Variants in STYXL2 observed in about 807,000 individuals in gnomAD.
The protein encoded by STYXL2 is serine/threonine/tyrosine interacting like 2.
STYXL2 carries 44 observed loss-of-function variants against 52.4 expected under a neutral mutation model. The observed-to-expected ratio is 0.84, with a 90% CI of 0.66 to 1.08. The LOEUF (loss-of-function observed/expected upper bound fraction) is 1.08. STYXL2 is among the 50% of genes least tolerant of loss of function. STYXL2 has a pLI of 0.00. For missense variants in STYXL2, 1,604 were observed against 1,471.7 expected (o/e 1.09, Z -1.47); for synonymous variants, 604 against 586.9 (o/e 1.03, Z -0.42).
intron 2 of STYXL2, 129 bp from the exon 3 acceptor site, chr1:167,113,581 G>A (rs995200473): frequency 2.8e-6 from 2 of 724,712 alleles, no homozygotes; most frequent in Admixed American, 4.0e-5. Flanking sequence ...TTAAACTTAG[G>A]AAGGCTTTGC....
chr1:167,122,063 T>A (rs1277544694), intron 5 of STYXL2, among the ~76,000 whole-genome samples: 1 of 152,114 alleles, frequency 6.6e-6, no homozygotes. Context: ...ACAAAGAGCC[T>A]ATGAGGGGGT....
intron 5 of STYXL2, among the ~76,000 whole-genome samples, chr1:167,119,997 C>T (rs1045140458): frequency 3.9e-5 from 6 of 152,158 alleles, no homozygotes. Context: ...AGGCCAGTGT[C>T]GATGAGCATG....
At chr1:167,099,880 G>A (rs1042460965) in intron 2 of STYXL2, among the ~76,000 whole-genome samples, 1 of 152,222 alleles carries the variant, frequency 6.6e-6, no homozygotes, top group Non-Finnish European at 1.5e-5. Context: ...ATGATGAACT[G>A]TCCAATTAGC....
Position 167,105,593 on chromosome 1 carries a change from G to A in STYXL2, c.111-8117G>A, listed in dbSNP as rs778511672. On this transcript the variant is annotated intron_variant, in intron 2 of 5. Transcript: ENST00000361200. ...CTTGCAAATATAAACAGGGCCAGTTGTTCAGGTCTCTCCCTCCTTCCTCTT... is the reference window on the plus strand; with the variant it reads ...CTTGCAAATATAAACAGGGCCAGTTATTCAGGTCTCTCCCTCCTTCCTCTT... 1.9e-4 allele frequency among the ~76,000 whole-genome samples: 29 copies of A among 152,062 alleles called. 1 individual carries two copies. The highest frequency in any genetic ancestry group is 2.8e-4 in the Non-Finnish European group (19 of 67,998).
At chr1:167,119,563 G>T in intron 5 of STYXL2, 97 bp downstream of exon 5, 1 of 1,035,730 alleles carries the variant, frequency 9.7e-7, no homozygotes, top group South Asian at 1.4e-5. Flanking sequence ...GTGTGTGAGG[G>T]GTATCTGTCT....
chr1:167,118,804 T>G (rs1288465256), intron 4 of STYXL2, among the ~76,000 whole-genome samples: 2 of 152,266 alleles, frequency 1.3e-5, no homozygotes, highest in African/African-American at 4.8e-5. Flanking sequence ...TCCTGTCTAC[T>G]TCTTAAGTTT....
intron 2 of STYXL2, among the ~76,000 whole-genome samples, chr1:167,103,896 C>T (rs1035553642): frequency 1.8e-4 from 28 of 152,190 alleles, no homozygotes; most frequent in African/African-American, 2.9e-4. Flanking sequence ...CCGAGGTAGG[C>T]GGATCACAAG....
At chr1:167,105,887 G>T (rs1667498485) in intron 2 of STYXL2, among the ~76,000 whole-genome samples, 1 of 152,174 alleles carries the variant, frequency 6.6e-6, no homozygotes, top group Non-Finnish European at 1.5e-5. Flanking sequence ...TGGGGCTGAG[G>T]AGGAAATCTG....
chr1:167,095,563 C>T (rs1354642480), intron 2 of STYXL2, among the ~76,000 whole-genome samples: 1 of 152,026 alleles, frequency 6.6e-6, no homozygotes, highest in African/African-American at 2.4e-5. Context: ...TTAAAATCAT[C>T]GACGTTATGT....
In STYXL2 at chr1:167,104,110, C is replaced by T. The variant is rs369910682; in HGVS notation, c.110+9151C>T. 1.1e-4 allele frequency among the ~76,000 whole-genome samples: 16 copies of T among 152,208 alleles called. No homozygotes were observed. The East Asian group carries it at 1.3e-3, about 13-fold the overall frequency. Reference sequence around the variant, plus strand: ...CTCCAGCCTGGGGGACAGAGCCAGACTCTGTCTTGAAAAAAAAGAAGTAAG... The same window carrying T: ...CTCCAGCCTGGGGGACAGAGCCAGATTCTGTCTTGAAAAAAAAGAAGTAAG... On this transcript the variant is annotated intron_variant, in intron 2 of 5. Transcript: ENST00000361200.
intron 2 of STYXL2, among the ~76,000 whole-genome samples, chr1:167,106,420 G>A (rs1050745531): frequency 6.6e-6 from 1 of 152,174 alleles, no homozygotes; most frequent in African/African-American, 2.4e-5. Context: ...TGCTGTGCAA[G>A]GAAGAAGGCC....
At chr1:167,096,902 G>A (rs576341438) in intron 2 of STYXL2, among the ~76,000 whole-genome samples, 1 of 152,232 alleles carries the variant, frequency 6.6e-6, no homozygotes, top group Non-Finnish European at 1.5e-5. Flanking sequence ...GTAGTTCCAG[G>A]CTAGGTTCTC....
At position 167,113,770 on chromosome 1, in the gene STYXL2, C is replaced by T. The variant is rs1263543433; in HGVS notation, c.171C>T (p.Ser57=). The T allele has an allele frequency of 1.2e-6, 2 of 1,613,992 alleles. No homozygotes were observed. Among genetic ancestry groups the T allele is most frequent in the Non-Finnish European group, 1.7e-6 (2 of 1,179,974 alleles). The change falls in exon 3 of 6, where the codon TCC becomes TCT. Residue 57 remains serine, a synonymous_variant. Transcript: ENST00000361200. ...ESIFMEPIHL[S]SAIAAKQIIN... ...TTTTCATGGAACCCATTCACCTCTC[C>T]TCAGCCATTGCAGCCAAACAGATCA...
chr1:167,114,089 G>A (rs963695746), intron 3 of STYXL2, among the ~76,000 whole-genome samples: 1 of 152,148 alleles, frequency 6.6e-6, no homozygotes, highest in Non-Finnish European at 1.5e-5. Context: ...TCCTGAGGTG[G>A]CTTATGGCAG....
Position 167,126,111 on chromosome 1 carries a change from C to G in STYXL2, c.980C>G (p.Ser327Cys), listed in dbSNP as rs1667957682. 1 of 1,516,556 alleles carries G rather than the reference C, an allele frequency of 6.6e-7. No individual in the cohort carries two copies. The highest frequency in any genetic ancestry group is 2.3e-5 in the Admixed American group (1 of 43,634). The allele number at this position is 1,516,556 out of a possible 1,614,324, so 93.9% of individuals were successfully genotyped here. The change falls in exon 6 of 6, where the codon TCC becomes TGC. Residue 327 changes from serine to cysteine, a missense_variant. By Grantham distance (112) the Ser-to-Cys change is moderately radical. Transcript: ENST00000361200. ...EDDSASHLSG[S>C]SLGKATQASK... Reference sequence around the variant, plus strand: ...GACAGCGCCAGCCACCTGAGTGGCTCCTCCCTGGGGAAGGCCACCCAGGCC... The same window carrying G: ...GACAGCGCCAGCCACCTGAGTGGCTGCTCCCTGGGGAAGGCCACCCAGGCC...
At chr1:167,117,034 A>T (rs967248487) in intron 3 of STYXL2, among the ~76,000 whole-genome samples, 1 of 152,186 alleles carries the variant, frequency 6.6e-6, no homozygotes, top group African/African-American at 2.4e-5. Flanking sequence ...TACTTAAGGA[A>T]CTTGGTCTAA....
At chr1:167,109,642 T>A (rs7411438) in intron 2 of STYXL2, among the ~76,000 whole-genome samples, 6 of 152,124 alleles carry the variant, frequency 3.9e-5, no homozygotes, top group African/African-American at 1.4e-4. Context: ...CTCTAAGGCC[T>A]CACCCATCAC....
At chr1:167,120,295 A>G (rs1488827260) in intron 5 of STYXL2, among the ~76,000 whole-genome samples, 2 of 152,202 alleles carry the variant, frequency 1.3e-5, no homozygotes, top group African/African-American at 4.8e-5. Context: ...AGTTGAGGAT[A>G]TGGTGTCCAG....
intron 4 of STYXL2, among the ~76,000 whole-genome samples, chr1:167,118,817 T>C (rs1463243127): frequency 6.6e-6 from 1 of 152,270 alleles, no homozygotes; most frequent in Non-Finnish European, 1.5e-5. Context: ...TTAAGTTTAT[T>C]GTTAGGATAA....
Sources: allele counts gnomAD v4.1 joint callset (sites outside exome capture counted in the v4.1 genomes callset), GRCh38; gene constraint gnomAD v4.1.1; transcripts MANE v1.5; gene names NCBI Gene and HGNC (gene_info 2026-07-23, HGNC 2026-07-21).